Variants in SV2C observed in about 807,000 individuals in gnomAD.
The protein encoded by SV2C is synaptic vesicle glycoprotein 2C, also known as solute carrier family 22 member B3.
A neutral mutation model predicts 79.7 loss-of-function variants in SV2C; 49 were observed. The ratio of observed to expected loss-of-function variants is 0.61; its 90% CI spans 0.49 to 0.78. The LOEUF is 0.78. Ranked by LOEUF, SV2C falls within the 30% of genes least tolerant of loss-of-function variation. The probability of loss-of-function intolerance (pLI) is 0.00; values close to 1 mark genes in which losing one functional copy is unlikely to be tolerated. For synonymous variants in SV2C, 334 were observed against 333.2 expected, an observed-to-expected ratio of 1.00 and a Z score of -0.03; for missense variants, 833 against 912.9, an observed-to-expected ratio of 0.91 and a Z score of 1.13.
At chr5:75,989,058 T>G in the SV2C span, among the ~76,000 whole-genome samples, 1 of 152,008 alleles carries the variant, frequency 6.6e-6, no homozygotes, top group South Asian at 2.1e-4. Context: ...TAAGTGGAGT[T>G]CTTTTTTTCG....
At chr5:76,014,864 T>A in the SV2C span, among the ~76,000 whole-genome samples, 1 of 152,182 alleles carries the variant, frequency 6.6e-6, no homozygotes, top group Non-Finnish European at 1.5e-5. Context: ...TTTCCTTTTT[T>A]AAAAAGCCTA....
chr5:75,988,152 G>A, the SV2C span, among the ~76,000 whole-genome samples: 2 of 151,872 alleles, frequency 1.3e-5, no homozygotes, highest in Non-Finnish European at 2.9e-5. Flanking sequence ...TTTAAGATAG[G>A]ACATTACTGT....
chr5:75,999,076 T>C, the SV2C span, among the ~76,000 whole-genome samples: 2 of 151,996 alleles, frequency 1.3e-5, no homozygotes, highest in Admixed American at 1.3e-4. Context: ...TTAGAGAACG[T>C]GTGCAAGGGA....
the SV2C span, among the ~76,000 whole-genome samples, chr5:75,949,108 C>A: frequency 6.6e-6 from 1 of 151,834 alleles, no homozygotes; most frequent in Non-Finnish European, 1.5e-5. Context: ...CACCTCCTCT[C>A]CCTCTTGCTC....
At chr5:76,276,292 T>C (rs943641821) in intron 4 of SV2C, among the ~76,000 whole-genome samples, 2 of 152,224 alleles carry the variant, frequency 1.3e-5, no homozygotes, top group African/African-American at 4.8e-5. Flanking sequence ...GCAGGGTCAT[T>C]TCTTGAGGCC....
downstream of SV2C, among the ~76,000 whole-genome samples, chr5:76,336,295 G>A (rs1462938937): frequency 6.6e-6 from 1 of 151,992 alleles, no homozygotes; most frequent in Non-Finnish European, 1.5e-5. Flanking sequence ...TCTCAGACGG[G>A]GCGGCCGGGC....
At chr5:76,251,668 G>A (rs886194892) in intron 4 of SV2C, among the ~76,000 whole-genome samples, 1 of 152,138 alleles carries the variant, frequency 6.6e-6, no homozygotes, top group Non-Finnish European at 1.5e-5. Flanking sequence ...CACAACCCCA[G>A]GTGATACTCA....
the SV2C span, among the ~76,000 whole-genome samples, chr5:76,034,373 T>G: frequency 1.3e-5 from 2 of 151,958 alleles, no homozygotes; most frequent in Non-Finnish European, 2.9e-5. Flanking sequence ...CAGTATGATA[T>G]TGGCTGTGGG....
intron 6 of SV2C, among the ~76,000 whole-genome samples, chr5:76,289,180 C>A (rs1173020761): frequency 6.6e-6 from 1 of 152,210 alleles, no homozygotes; most frequent in East Asian, 1.9e-4. Flanking sequence ...AGTCACCATG[C>A]CTGGCCCTCT....
the SV2C span, among the ~76,000 whole-genome samples, chr5:76,036,091 T>G: frequency 6.7e-4 from 102 of 152,106 alleles, no homozygotes; most frequent in African/African-American, 2.2e-3. Flanking sequence ...GTTTTCCATT[T>G]GCTTGGTAGA....
the SV2C span, among the ~76,000 whole-genome samples, chr5:76,040,898 G>A: frequency 7.9e-5 from 12 of 152,182 alleles, no homozygotes; most frequent in East Asian, 1.9e-4. Flanking sequence ...AAGAAGTAGC[G>A]GAAGTTGCAG....
intron 4 of SV2C, among the ~76,000 whole-genome samples, chr5:76,250,976 C>A (rs1382124429): frequency 6.6e-6 from 1 of 152,200 alleles, no homozygotes; most frequent in Non-Finnish European, 1.5e-5. Flanking sequence ...GTAGACCCCA[C>A]ACCTCCATTC....
chr5:75,945,455 G>A, the SV2C span, among the ~76,000 whole-genome samples: 2 of 151,316 alleles, frequency 1.3e-5, no homozygotes, highest in African/African-American at 4.9e-5. Flanking sequence ...GGGACTACAG[G>A]TGCATGCCAC....
chr5:76,205,407 A>T (rs1287732388), intron 3 of SV2C, among the ~76,000 whole-genome samples: 1 of 152,162 alleles, frequency 6.6e-6, no homozygotes, highest in Non-Finnish European at 1.5e-5. Context: ...ACCTACGTAG[A>T]GTGTGAATTT....
chr5:76,271,762 C>T (rs997658923), intron 4 of SV2C, among the ~76,000 whole-genome samples: 6 of 152,004 alleles, frequency 3.9e-5, no homozygotes, highest in South Asian at 2.1e-4. Context: ...CCATCGCGCC[C>T]GGCGTATGTG....
At chr5:76,248,056 A>G (rs1321428271) in intron 4 of SV2C, among the ~76,000 whole-genome samples, 1 of 152,208 alleles carries the variant, frequency 6.6e-6, no homozygotes, top group Non-Finnish European at 1.5e-5. Flanking sequence ...ATCAAGTTAT[A>G]TGCATGTCCT....
chr5:75,943,751 A>C, the SV2C span, among the ~76,000 whole-genome samples: 1 of 152,122 alleles, frequency 6.6e-6, no homozygotes. Context: ...CTCTAACACC[A>C]TGCTCAGGGC....
chr5:75,886,624 G>A, the SV2C span, among the ~76,000 whole-genome samples: 20,093 of 152,164 alleles, frequency 0.13, 1,806 homozygotes, highest in African/African-American at 0.25. Context: ...TCTATGGTCT[G>A]GGGATTGTGC....
the SV2C span, among the ~76,000 whole-genome samples, chr5:75,885,374 C>T: frequency 1.3e-5 from 2 of 152,006 alleles, no homozygotes; most frequent in Admixed American, 6.6e-5. Flanking sequence ...AGTTTCCTGA[C>T]CAGTATAATA....
Sources: gnomAD v4.1 joint callset for allele counts (sites outside exome capture counted in the v4.1 genomes callset) on GRCh38, gnomAD v4.1.1 for gene constraint, MANE v1.5 for transcripts, NCBI Gene and HGNC (gene_info 2026-07-23, HGNC 2026-07-21) for gene names.